HEATR5B: variants seen among roughly 807,000 people sequenced by gnomAD.
HEATR5B encodes the protein HEAT repeat-containing protein 5B.
HEATR5B carries 156 observed loss-of-function variants against 224.1 expected under a neutral mutation model. That is an observed-to-expected ratio of 0.70 (90% confidence interval 0.61 to 0.80). HEATR5B has a LOEUF of 0.80. Among genes scored for constraint, HEATR5B ranks in the 30% least tolerant of loss-of-function variants. The pLI, the probability that HEATR5B is intolerant of heterozygous loss-of-function variation, is 0.00. For missense variants in HEATR5B, 2,323 were observed against 2,535.5 expected (o/e 0.92, Z 1.80); for synonymous variants, 1,027 against 893.0 (o/e 1.15, Z -2.68).
At chr2:37,061,447 A>C (rs1671275311) in intron 11 of HEATR5B, among the ~76,000 whole-genome samples, 2 of 152,200 alleles carry the variant, frequency 1.3e-5, no homozygotes, top group Admixed American at 6.5e-5. Context: ...ATGAACTAAA[A>C]TATGAACATA....
chr2:37,020,173 G>A (rs941902559), intron 25 of HEATR5B, among the ~76,000 whole-genome samples: 1 of 152,168 alleles, frequency 6.6e-6, no homozygotes, highest in East Asian at 1.9e-4. Flanking sequence ...CCAAAGTGCT[G>A]GGATTACAGG....
chr2:37,013,756 A>AT (rs1314324881), intron 27 of HEATR5B, 85 bp downstream of exon 27: 11 of 1,260,242 alleles, frequency 8.7e-6, no homozygotes, highest in South Asian at 3.9e-5. Flanking sequence ...AAAAACAAAA[A>AT]TTTTTTTACC....
intron 33 of HEATR5B, among the ~76,000 whole-genome samples, chr2:36,991,831 T>C (rs1022978170): frequency 8.5e-5 from 13 of 152,150 alleles, no homozygotes; most frequent in Admixed American, 3.9e-4. Context: ...CATGCTAACA[T>C]TATCTCATAA....
At chr2:37,062,135 A>G in intron 10 of HEATR5B, 85 bp from the exon 11 acceptor site, 1 of 838,276 alleles carries the variant, frequency 1.2e-6, no homozygotes, top group Non-Finnish European at 2.0e-6. Flanking sequence ...ATTACTTAAA[A>G]GAAGTTGTTG....
intron 18 of HEATR5B, among the ~76,000 whole-genome samples, chr2:37,044,070 A>C (rs1434649580): frequency 6.6e-6 from 1 of 152,214 alleles, no homozygotes; most frequent in African/African-American, 2.4e-5. Context: ...CAATATACCA[A>C]ATTATTGAGA....
chr2:37,059,813 T>C (rs1671167386), intron 12 of HEATR5B, among the ~76,000 whole-genome samples: 1 of 152,144 alleles, frequency 6.6e-6, no homozygotes, highest in Non-Finnish European at 1.5e-5. Flanking sequence ...TAAATATATA[T>C]GTATATAAAC....
At position 37,079,143 on chromosome 2, in the gene HEATR5B, A is replaced by C; in HGVS notation, c.315T>G (p.Thr105=). 1 of 1,605,194 alleles carries C rather than the reference A, an allele frequency of 6.2e-7. No individual in the cohort carries two copies. The highest frequency in any genetic ancestry group is 1.1e-5 in the South Asian group (1 of 90,200). ...ACAATTTTGTTGGTAAGTAGGCCGC[A>C]GTGTCATCTTTATTTCTGATAATGT... ...CNDIIRNKDD[T]AAYLPTKLAA... is the part of the protein sequence containing the mutation. The change falls in exon 3 of 36, where the codon ACT becomes ACG. Residue 105 remains threonine, a synonymous_variant. Coordinates refer to ENST00000233099, the MANE Select transcript of HEATR5B (RefSeq NM_019024.3).
intron 33 of HEATR5B, among the ~76,000 whole-genome samples, chr2:36,997,255 G>T (rs1437316420): frequency 6.6e-6 from 1 of 152,014 alleles, no homozygotes; most frequent in Non-Finnish European, 1.5e-5. Flanking sequence ...CACCATCATG[G>T]CTCACTGCAG....
intron 33 of HEATR5B, among the ~76,000 whole-genome samples, chr2:36,998,211 C>G (rs1666855141): frequency 6.6e-6 from 1 of 151,650 alleles, no homozygotes; most frequent in Non-Finnish European, 1.5e-5. Context: ...ATTTTCTTTA[C>G]AAAAGAAATA....
intron 5 of HEATR5B, among the ~76,000 whole-genome samples, chr2:37,074,875 T>C (rs1672130264): frequency 6.6e-6 from 1 of 152,238 alleles, no homozygotes; most frequent in Admixed American, 6.5e-5. Flanking sequence ...ATGACATATG[T>C]ATCCATTAGA....
At chr2:37,068,978 C>T in intron 7 of HEATR5B, 48 bp from the exon 8 acceptor site, 1 of 1,555,540 alleles carries the variant, frequency 6.4e-7, no homozygotes, top group Non-Finnish European at 8.7e-7. Flanking sequence ...CATAACTGAA[C>T]AGAAATCAAA....
chr2:36,983,573 A>G (rs1381451570), intron 35 of HEATR5B, among the ~76,000 whole-genome samples: 6 of 151,588 alleles, frequency 4.0e-5, no homozygotes, highest in African/African-American at 1.5e-4. Flanking sequence ...AAAAAACCCA[A>G]AAATATTAGC....
At chr2:37,051,944 T>C (rs1368725004) in intron 17 of HEATR5B, among the ~76,000 whole-genome samples, 1 of 152,116 alleles carries the variant, frequency 6.6e-6, no homozygotes, top group Non-Finnish European at 1.5e-5. Context: ...TTCATCATGT[T>C]GGCCAGGCTG....
chr2:37,067,158 G>A (rs1466587896), intron 8 of HEATR5B, among the ~76,000 whole-genome samples: 1 of 152,140 alleles, frequency 6.6e-6, no homozygotes, highest in South Asian at 2.1e-4. Flanking sequence ...ACAGGCATGA[G>A]CTACCATGCC....
At position 37,040,566 on chromosome 2, in the gene HEATR5B, G is replaced by A. The variant is rs566237120; in HGVS notation, c.2857-48C>T. ...TTTAGTTGTAAGGAAGAATTCGAAT[G>A]TACTGAATTGAGTATACTGAATTGT... On this transcript the variant is annotated intron_variant, in intron 19 of 35. Transcript: ENST00000233099. The A allele has an allele frequency of 2.5e-5, 35 of 1,394,752 alleles. No individual in the cohort carries two copies. The African/African-American group carries it at 4.9e-4, about 19-fold the overall frequency. The allele number at this position is 1,394,752 out of a possible 1,614,324, so 86.4% of individuals were successfully genotyped here.
chr2:36,987,045 G>A (rs997959198), intron 35 of HEATR5B, among the ~76,000 whole-genome samples: 2 of 152,104 alleles, frequency 1.3e-5, no homozygotes, highest in Admixed American at 1.3e-4. Flanking sequence ...GAGCCACTGC[G>A]CCTGGCCAAT....
At chr2:37,071,964 A>C in intron 6 of HEATR5B, 146 bp downstream of exon 6, 1 of 580,000 alleles carries the variant, frequency 1.7e-6, no homozygotes, top group South Asian at 2.9e-5. Context: ...GATTACAGGC[A>C]TGAGTCACCG....
intron 35 of HEATR5B, among the ~76,000 whole-genome samples, chr2:36,982,917 G>A (rs1374789952): frequency 9.6e-6 from 1 of 103,858 alleles, no homozygotes; most frequent in Non-Finnish European, 2.1e-5. Flanking sequence ...CACACGTATA[G>A]GGGACGAGAA....
At chr2:37,051,800 C>T (rs1222433661) in intron 17 of HEATR5B, among the ~76,000 whole-genome samples, 3 of 152,016 alleles carry the variant, frequency 2.0e-5, no homozygotes, top group African/African-American at 7.2e-5. Context: ...AGTGCAATGG[C>T]ATGATCTCGG....
Sources: gnomAD v4.1 joint callset for allele counts (sites outside exome capture counted in the v4.1 genomes callset) on GRCh38, gnomAD v4.1.1 for gene constraint, MANE v1.5 for transcripts, NCBI Gene and HGNC (gene_info 2026-07-23, HGNC 2026-07-21) for gene names.